The following ERGIC1 variants were observed in gnomAD, a reference collection of about 807,000 sequenced individuals.
ERGIC1 encodes the protein endoplasmic reticulum-Golgi intermediate compartment protein 1.
Under a neutral mutation model 38.3 loss-of-function variants are expected in ERGIC1, and 19 were observed. The observed-to-expected ratio is 0.50, with a 90% CI of 0.35 to 0.73. The LOEUF (loss-of-function observed/expected upper bound fraction) is 0.73, where lower values mean the gene tolerates loss of function less well. ERGIC1 is among the 30% of genes least tolerant of loss of function. The pLI is 0.01. For missense variants in ERGIC1, 294 were observed against 389.2 expected (o/e 0.76, Z 2.06); for synonymous variants, 124 against 157.6 (o/e 0.79, Z 1.60).
At chr5:172,847,852 C>T (rs959138224) in intron 1 of ERGIC1, among the ~76,000 whole-genome samples, 6 of 152,194 alleles carry the variant, frequency 3.9e-5, no homozygotes, top group Admixed American at 3.9e-4. Flanking sequence ...TTGAATTAAT[C>T]AGGTTTTGAA....
intron 1 of ERGIC1, among the ~76,000 whole-genome samples, chr5:172,869,610 C>T (rs1253183963): frequency 6.6e-6 from 1 of 152,208 alleles, no homozygotes; most frequent in Admixed American, 6.5e-5. Flanking sequence ...GATGTTGTCT[C>T]TAAGAAGTCA....
intron 1 of ERGIC1, among the ~76,000 whole-genome samples, chr5:172,841,648 A>G (rs185510479): frequency 8.3e-4 from 126 of 152,336 alleles, no homozygotes; most frequent in Admixed American, 1.1e-3. Context: ...CCCTCCATGC[A>G]TTAGCTTTCC....
intron 3 of ERGIC1, chr5:172,898,725 G>A (rs1355936412): frequency 6.6e-6 from 1 of 152,188 alleles, no homozygotes; most frequent in Non-Finnish European, 1.5e-5. Context: ...ACCAGAGTCA[G>A]AGCTCCCTTC....
chr5:172,878,919 G>A (rs765182471), intron 1 of ERGIC1, among the ~76,000 whole-genome samples: 1 of 152,150 alleles, frequency 6.6e-6, no homozygotes, highest in African/African-American at 2.4e-5. Context: ...CCTGGCACTC[G>A]GCACCGAGGG....
intron 2 of ERGIC1, among the ~76,000 whole-genome samples, chr5:172,890,738 C>T (rs1485687317): frequency 6.6e-6 from 1 of 152,214 alleles, no homozygotes; most frequent in Non-Finnish European, 1.5e-5. Context: ...CCCCACAAGC[C>T]CCCCTAGTGC....
chr5:172,853,548 C>G (rs1761465923), intron 1 of ERGIC1, among the ~76,000 whole-genome samples: 1 of 152,104 alleles, frequency 6.6e-6, no homozygotes, highest in South Asian at 2.1e-4. Flanking sequence ...CTTACAGAGT[C>G]AGTCTGCGCA....
At chr5:172,924,157 G>A (rs2302958) in intron 6 of ERGIC1, 48 bp downstream of exon 6, 287,832 of 1,569,694 alleles carry the variant, frequency 0.18, 27,351 homozygotes, top group South Asian at 0.22. Flanking sequence ...GGGCCTTCAG[G>A]GGCTCTGTCA....
At chr5:172,843,763 C>G (rs1440087039) in intron 1 of ERGIC1, among the ~76,000 whole-genome samples, 2 of 152,192 alleles carry the variant, frequency 1.3e-5, no homozygotes, top group Non-Finnish European at 2.9e-5. Context: ...ACTCATTCGG[C>G]AGAACTCTCT....
chr5:172,929,923 A>C (rs1054131030), intron 7 of ERGIC1, among the ~76,000 whole-genome samples: 4 of 152,150 alleles, frequency 2.6e-5, no homozygotes, highest in Non-Finnish European at 4.4e-5. Context: ...CGCGGTGGCT[A>C]ACGCCTGTAA....
intron 9 of ERGIC1, among the ~76,000 whole-genome samples, chr5:172,939,912 G>A (rs1019679561): frequency 6.6e-6 from 1 of 152,256 alleles, no homozygotes; most frequent in African/African-American, 2.4e-5. Flanking sequence ...CTCGGAGGGC[G>A]GGGTGGGGCC....
chr5:172,939,625 A>G (rs753458851), intron 9 of ERGIC1, among the ~76,000 whole-genome samples: 9 of 152,226 alleles, frequency 5.9e-5, no homozygotes, highest in African/African-American at 1.7e-4. Context: ...CCTCTGCTCA[A>G]GCGTGGGCTG....
chr5:172,928,566 TC>T (rs953131151), intron 7 of ERGIC1, among the ~76,000 whole-genome samples: 2 of 152,244 alleles, frequency 1.3e-5, no homozygotes, highest in Non-Finnish European at 2.9e-5. Flanking sequence ...CACCTTGTTC[TC>T]CCAGTCATCT....
intron 5 of ERGIC1, among the ~76,000 whole-genome samples, chr5:172,923,699 G>T (rs1763583982): frequency 6.6e-6 from 1 of 152,216 alleles, no homozygotes; most frequent in Admixed American, 6.5e-5. Flanking sequence ...AGCTGGAGGG[G>T]GAGCAGCTGC....
At chr5:172,896,644 G>T (rs1228304114) in intron 2 of ERGIC1, among the ~76,000 whole-genome samples, 2 of 152,204 alleles carry the variant, frequency 1.3e-5, no homozygotes, top group Non-Finnish European at 2.9e-5. Context: ...GTGGACTCCA[G>T]ATTGTGAAAT....
At chr5:172,914,635 G>C (rs760473835) in intron 4 of ERGIC1, 79 bp from the exon 5 acceptor site, 4 of 1,611,750 alleles carry the variant, frequency 2.5e-6, no homozygotes, top group Non-Finnish European at 3.4e-6. Context: ...ATGAATGAAG[G>C]CTCCCAGAGA....
chr5:172,863,916 C>T (rs1761784001), intron 1 of ERGIC1, among the ~76,000 whole-genome samples: 1 of 152,182 alleles, frequency 6.6e-6, no homozygotes, highest in African/African-American at 2.4e-5. Flanking sequence ...CTCAACATGG[C>T]CGGGCGCGGT....
intron 1 of ERGIC1, among the ~76,000 whole-genome samples, chr5:172,878,719 G>A (rs1331238116): frequency 1.3e-5 from 2 of 152,092 alleles, no homozygotes; most frequent in Admixed American, 6.6e-5. Flanking sequence ...TGAGGGGGGC[G>A]ATGAGAATGA....
chr5:172,900,722 C>CA (rs1223646810), intron 3 of ERGIC1, among the ~76,000 whole-genome samples: 27 of 146,922 alleles, frequency 1.8e-4, no homozygotes, highest in East Asian at 4.0e-4. Context: ...AAAAAAAAAA[C>CA]AAAAAAAAAC....
intron 1 of ERGIC1, among the ~76,000 whole-genome samples, chr5:172,884,432 G>T (rs1191711187): frequency 1.3e-5 from 2 of 151,784 alleles, no homozygotes; most frequent in African/African-American, 2.4e-5. Context: ...TGTTGTTGTT[G>T]TTTGTAGAGA....
Sources: gnomAD v4.1 joint callset for allele counts (sites outside exome capture counted in the v4.1 genomes callset) on GRCh38, gnomAD v4.1.1 for gene constraint, MANE v1.5 for transcripts, NCBI Gene and HGNC (gene_info 2026-07-23, HGNC 2026-07-21) for gene names.